FOXN3: variants seen among roughly 807,000 people sequenced by gnomAD.
FOXN3 encodes the protein forkhead box N3, also known as forkhead box protein N3.
In FOXN3, 7 loss-of-function variants were observed where a neutral mutation model predicts 38.4. The observed-to-expected ratio is 0.18, with a 90% CI of 0.10 to 0.34. The LOEUF is 0.34. Ranked by LOEUF, FOXN3 falls within the 10% of genes least tolerant of loss-of-function variation. FOXN3 has a pLI of 1.00. For synonymous variants in FOXN3, 230 were observed against 242.2 expected (o/e 0.95, Z 0.47); for missense variants, 456 against 613.4 (o/e 0.74, Z 2.71).
chr14:89,295,964 C>T (rs567225685), intron 3 of FOXN3, among the ~76,000 whole-genome samples: 2 of 152,100 alleles, frequency 1.3e-5, no homozygotes, highest in African/African-American at 2.4e-5. Flanking sequence ...TATAGTAACA[C>T]ATCTTCTTCA....
At chr14:89,334,044 C>T (rs7159080) in intron 3 of FOXN3, among the ~76,000 whole-genome samples, 2 of 144,422 alleles carry the variant, frequency 1.4e-5, no homozygotes, top group Non-Finnish European at 3.0e-5. Context: ...CACACACACA[C>T]ACACAAAGGA....
intron 4 of FOXN3, among the ~76,000 whole-genome samples, chr14:89,191,963 C>T (rs573097427): frequency 0.065 from 4,667 of 72,142 alleles, 271 homozygotes; most frequent in African/African-American, 0.28. Flanking sequence ...TATATATATA[C>T]ACATATATAT....
At chr14:89,283,028 C>G (rs1334290368) in intron 3 of FOXN3, among the ~76,000 whole-genome samples, 1 of 152,164 alleles carries the variant, frequency 6.6e-6, no homozygotes, top group African/African-American at 2.4e-5. Flanking sequence ...GACTGGCCAC[C>G]ACCTTCTCTT....
intron 2 of FOXN3, among the ~76,000 whole-genome samples, chr14:89,386,855 G>T (rs1890803169): frequency 6.6e-6 from 1 of 152,158 alleles, no homozygotes; most frequent in African/African-American, 2.4e-5. Flanking sequence ...TGAATAGAGT[G>T]ATCTCTCTTC....
intron 1 of FOXN3, among the ~76,000 whole-genome samples, chr14:89,452,166 A>C (rs1232477978): frequency 6.6e-6 from 1 of 152,120 alleles, no homozygotes; most frequent in African/African-American, 2.4e-5. Context: ...CCTGTGCCCC[A>C]GGATGTAAAG....
intron 1 of FOXN3, among the ~76,000 whole-genome samples, chr14:89,598,955 G>T (rs1014413301): frequency 1.3e-5 from 2 of 152,042 alleles, no homozygotes; most frequent in African/African-American, 4.8e-5. Flanking sequence ...GTTAGTTTTA[G>T]AACTATCTCA....
rs533614894 is a variant in FOXN3, at chr14:89,243,644, GT to G, written c.745+37305del. On this transcript the variant is annotated intron_variant, in intron 4 of 5. Transcript: ENST00000557258. ...TGCTGCCCTTTCATTTTCTGAGAGG[GT>G]TTATCTTCCTTCTGCTACAGGTAAA... 2.0e-3 allele frequency among the ~76,000 whole-genome samples: 298 copies of G among 152,312 alleles called. 1 individual carries two copies. The highest frequency in any genetic ancestry group is 3.5e-3 in the Non-Finnish European group (239 of 68,028).
chr14:89,553,154 A>G (rs750413195), intron 1 of FOXN3, among the ~76,000 whole-genome samples: 3 of 150,430 alleles, frequency 2.0e-5, no homozygotes, highest in Non-Finnish European at 4.4e-5. Flanking sequence ...TGGAAGGATC[A>G]CTTGAGACCA....
intron 1 of FOXN3, among the ~76,000 whole-genome samples, chr14:89,485,257 A>G (rs751852495): frequency 1.3e-5 from 2 of 151,960 alleles, no homozygotes; most frequent in East Asian, 1.9e-4. Context: ...CCACTGCACC[A>G]TACCCAAATT....
At chr14:89,262,059 G>A (rs578198094) in intron 4 of FOXN3, among the ~76,000 whole-genome samples, 56 of 152,122 alleles carry the variant, frequency 3.7e-4, no homozygotes, top group Admixed American at 3.2e-3. Context: ...AGCCGAGATC[G>A]CGCACTGCAC....
At chr14:89,329,539 C>T (rs1292198813) in intron 3 of FOXN3, among the ~76,000 whole-genome samples, 1 of 152,072 alleles carries the variant, frequency 6.6e-6, no homozygotes, top group Non-Finnish European at 1.5e-5. Context: ...CTACAAGGCA[C>T]AGGACAGCCT....
intron 1 of FOXN3, among the ~76,000 whole-genome samples, chr14:89,610,094 G>C (rs1896359061): frequency 1.3e-5 from 2 of 152,044 alleles, no homozygotes; most frequent in African/African-American, 4.8e-5. Flanking sequence ...AAGCTTAAAG[G>C]GACTATTAAA....
At chr14:89,328,804 C>T (rs1174628579) in intron 3 of FOXN3, among the ~76,000 whole-genome samples, 1 of 152,192 alleles carries the variant, frequency 6.6e-6, no homozygotes, top group African/African-American at 2.4e-5. Context: ...TAACTGACAC[C>T]ACGACAAGGG....
intron 2 of FOXN3, among the ~76,000 whole-genome samples, chr14:89,374,779 G>C (rs1052199413): frequency 6.6e-6 from 1 of 151,794 alleles, no homozygotes; most frequent in East Asian, 1.9e-4. Flanking sequence ...AGACCAGCCT[G>C]ACCAACATGG....
At chr14:89,377,045 A>AAAAAAAAAAG (rs1566972013) in intron 2 of FOXN3, among the ~76,000 whole-genome samples, 1 of 142,178 alleles carries the variant, frequency 7.0e-6, no homozygotes, top group Non-Finnish European at 1.5e-5. Context: ...AAAAAAAAAA[A>AAAAAAAAAAG]AAAAAAAAAG....
rs184299276 is a variant in FOXN3 at position 89,602,636 on chromosome 14, A to T, written c.-15+16392T>A. Among the ~76,000 whole-genome samples, 1,260 of 151,970 alleles carry T rather than the reference A, an allele frequency of 8.3e-3. 14 individuals are homozygous for T. Among genetic ancestry groups the T allele is most frequent in the African/African-American group, 0.029 (1,185 of 41,442 alleles). ...CTCAGCCTCCCGAGTAGCTGGGATT[A>T]TAGGCACCTGCCACCACACCTGGCT... On this transcript the variant is annotated intron_variant, in intron 1 of 6. Transcript: ENST00000345097.
At chr14:89,314,552 T>A (rs1299808042) in intron 3 of FOXN3, among the ~76,000 whole-genome samples, 3 of 152,232 alleles carry the variant, frequency 2.0e-5, no homozygotes, top group African/African-American at 7.2e-5. Context: ...CTAAAGATAC[T>A]TTTAGAAAAT....
intron 2 of FOXN3, among the ~76,000 whole-genome samples, chr14:89,369,559 T>C (rs74719872): frequency 8.0e-6 from 1 of 125,676 alleles, no homozygotes; most frequent in South Asian, 2.5e-4. Context: ...TTTTTTTTTT[T>C]TAAAAAAGAG....
At chr14:89,260,085 T>TATG (rs1885748989) in intron 4 of FOXN3, among the ~76,000 whole-genome samples, 1 of 152,172 alleles carries the variant, frequency 6.6e-6, no homozygotes, top group South Asian at 2.1e-4. Context: ...AATGGATCAT[T>TATG]TAGAACACCT....
Sources: gnomAD v4.1 joint callset for allele counts (sites outside exome capture counted in the v4.1 genomes callset) on GRCh38, gnomAD v4.1.1 for gene constraint, MANE v1.5 for transcripts, NCBI Gene and HGNC (gene_info 2026-07-23, HGNC 2026-07-21) for gene names.